The following DISC1 variants were observed in gnomAD, a reference collection of about 807,000 sequenced individuals.
The protein encoded by DISC1 is DISC1 scaffold protein.
In DISC1, 57 loss-of-function variants were observed where a neutral mutation model predicts 84.5. The observed-to-expected ratio is 0.67, with a 90% CI of 0.55 to 0.84. DISC1 has a LOEUF of 0.84. Among genes scored for constraint, DISC1 ranks in the 40% least tolerant of loss-of-function variants. The probability of loss-of-function intolerance (pLI) is 0.00; values close to 1 mark genes in which losing one functional copy is unlikely to be tolerated. For synonymous variants in DISC1, 411 were observed against 415.2 expected (o/e 0.99, Z 0.12); for missense variants, 1,000 against 1,057.8 (o/e 0.95, Z 0.76).
intron 10 of DISC1, among the ~76,000 whole-genome samples, chr1:231,965,577 T>C (rs1357280254): frequency 6.6e-6 from 1 of 152,260 alleles, no homozygotes; most frequent in Non-Finnish European, 1.5e-5. Context: ...GTTAGGCTCC[T>C]TTCGCATCCA....
chr1:231,675,997 C>T lies in DISC1; in HGVS notation c.68-17829C>T, dbSNP rs1277150567. On this transcript the variant is annotated intron_variant, in intron 1 of 12. Transcript: ENST00000439617. The surrounding 1 kb of genome is among the most constrained non-coding windows in gnomAD (Gnocchi z 4.1). ...CTGAGTAGCTGGGATTACAGGCGTG[C>T]GCCTCCACACCCAGCTAATTTTTGT... 6.6e-5 allele frequency among the ~76,000 whole-genome samples: 10 copies of T among 151,910 alleles called. No individual in the cohort carries two copies. Among genetic ancestry groups the T allele is most frequent in the Non-Finnish European group, 1.0e-4 (7 of 67,956 alleles).
At chr1:232,011,312 G>A (rs1003839648) in intron 11 of DISC1, among the ~76,000 whole-genome samples, 3 of 152,074 alleles carry the variant, frequency 2.0e-5, no homozygotes, top group Non-Finnish European at 4.4e-5. Context: ...GTGCTCCAGG[G>A]GTCCCCCAGA....
At chr1:231,676,521 C>T (rs2063170886) in intron 1 of DISC1, among the ~76,000 whole-genome samples, 1 of 152,220 alleles carries the variant, frequency 6.6e-6, no homozygotes, top group South Asian at 2.1e-4. Flanking sequence ...ATGCCTGACC[C>T]ACAGTAGAGT....
At chr1:231,956,711 T>TG (rs989895036) in intron 9 of DISC1, among the ~76,000 whole-genome samples, 5 of 152,196 alleles carry the variant, frequency 3.3e-5, no homozygotes, top group Admixed American at 2.6e-4. Context: ...CAGGGTATAG[T>TG]GGGGGGGACT....
chr1:231,672,688 A>G (rs1484738382), intron 1 of DISC1, among the ~76,000 whole-genome samples: 1 of 151,970 alleles, frequency 6.6e-6, no homozygotes. Flanking sequence ...CCTTCTGTGG[A>G]TCTTTGTACA....
intron 9 of DISC1, among the ~76,000 whole-genome samples, chr1:231,949,157 C>T (rs1468648598): frequency 2.0e-5 from 3 of 152,116 alleles, no homozygotes; most frequent in Non-Finnish European, 4.4e-5. Flanking sequence ...CGTGAGCCAC[C>T]GTGCCCGGCC....
chr1:231,741,789 C>A (rs979084399), intron 3 of DISC1, among the ~76,000 whole-genome samples: 5 of 152,226 alleles, frequency 3.3e-5, no homozygotes, highest in Non-Finnish European at 7.3e-5. Flanking sequence ...GCTCCTCTCA[C>A]AGCAACTTTG....
intron 9 of DISC1, among the ~76,000 whole-genome samples, chr1:231,952,433 A>G (rs1037995503): frequency 1.3e-5 from 2 of 152,100 alleles, no homozygotes; most frequent in African/African-American, 2.4e-5. Flanking sequence ...ACTCTGTTGA[A>G]CTCAGAAATC....
intron 3 of DISC1, among the ~76,000 whole-genome samples, chr1:231,721,873 G>T (rs1038568905): frequency 6.6e-6 from 1 of 151,772 alleles, no homozygotes; most frequent in Admixed American, 6.6e-5. Flanking sequence ...CACTGCCTTG[G>T]CTGGGCACGG....
chr1:231,690,413 C>T (rs540344746), intron 1 of DISC1, among the ~76,000 whole-genome samples: 7 of 152,308 alleles, frequency 4.6e-5, no homozygotes, highest in African/African-American at 1.4e-4. Flanking sequence ...GAGGGCACGG[C>T]TTGTTTCCTA....
At chr1:231,723,088 C>T (rs886792828) in intron 3 of DISC1, 30 of 1,006,752 alleles carry the variant, frequency 3.0e-5, no homozygotes, top group South Asian at 1.2e-4. Flanking sequence ...AATTCCAGGA[C>T]GCCTGTGGAT....
intron 9 of DISC1, among the ~76,000 whole-genome samples, chr1:231,865,330 C>T (rs2125934012): frequency 6.6e-6 from 1 of 152,314 alleles, no homozygotes; most frequent in Admixed American, 6.5e-5. Flanking sequence ...TTGCCAAAGA[C>T]CACCAATACA....
At chr1:231,707,961 T>A (rs2067296236) in intron 3 of DISC1, among the ~76,000 whole-genome samples, 1 of 152,136 alleles carries the variant, frequency 6.6e-6, no homozygotes, top group Non-Finnish European at 1.5e-5. Context: ...GGGGAAAGGA[T>A]TTAGTGAGTT....
intron 9 of DISC1, among the ~76,000 whole-genome samples, chr1:231,927,485 G>A (rs1243708099): frequency 1.3e-5 from 2 of 152,080 alleles, no homozygotes; most frequent in Non-Finnish European, 2.9e-5. Flanking sequence ...CAAGAATTGC[G>A]GACTCCATAT....
At chr1:231,864,018 C>T (rs1395408989) in intron 9 of DISC1, among the ~76,000 whole-genome samples, 1 of 152,102 alleles carries the variant, frequency 6.6e-6, no homozygotes, top group East Asian at 1.9e-4. Context: ...CTGGCTGGTA[C>T]TATAGACTTT....
At chr1:231,819,090 T>A in intron 9 of DISC1, 1 of 986,406 alleles carries the variant, frequency 1.0e-6, no homozygotes, top group Non-Finnish European at 1.2e-6. Context: ...CTGAGCTTAC[T>A]CTGAGATTTG....
intron 9 of DISC1, among the ~76,000 whole-genome samples, chr1:231,824,372 CA>C (rs1251112967): frequency 6.6e-6 from 1 of 152,220 alleles, no homozygotes; most frequent in African/African-American, 2.4e-5. Context: ...AAAAAAAATT[CA>C]AAATCTTTTC....
chr1:231,860,277 A>G (rs966049143), intron 9 of DISC1, among the ~76,000 whole-genome samples: 1 of 152,346 alleles, frequency 6.6e-6, no homozygotes, highest in Middle Eastern at 3.4e-3. Flanking sequence ...TCAACATAAT[A>G]ATGCAGGTTG....
At chr1:231,899,071 G>A (rs2126022446) in intron 9 of DISC1, among the ~76,000 whole-genome samples, 1 of 151,976 alleles carries the variant, frequency 6.6e-6, no homozygotes, top group East Asian at 1.9e-4. Flanking sequence ...GAAATCCTCA[G>A]AACACTGACT....
Sources: gnomAD v4.1 joint callset for allele counts (sites outside exome capture counted in the v4.1 genomes callset) on GRCh38, gnomAD v4.1.1 for gene constraint, Gnocchi (gnomAD v3.1) non-coding constraint, MANE v1.5 for transcripts, NCBI Gene and HGNC (gene_info 2026-07-23, HGNC 2026-07-21) for gene names.